Variants in GFRA2 observed in about 807,000 individuals in gnomAD.
The protein encoded by GFRA2 is GDNF family receptor alpha 2, also known as GDNF family receptor alpha-2.
In GFRA2, 17 loss-of-function variants were observed where a neutral mutation model predicts 48.3. The observed-to-expected ratio is 0.35, with a 90% CI of 0.24 to 0.53. The LOEUF is 0.53. Among genes scored for constraint, GFRA2 ranks in the 20% least tolerant of loss-of-function variants. The pLI, the probability that GFRA2 is intolerant of heterozygous loss-of-function variation, is 0.93. For missense variants in GFRA2, 660 were observed against 637.3 expected (o/e 1.04, Z -0.38); for synonymous variants, 305 against 257.2 (o/e 1.19, Z -1.78).
At chr8:21,698,168 C>A (rs1366462821) in intron 7 of GFRA2, among the ~76,000 whole-genome samples, 3 of 152,182 alleles carry the variant, frequency 2.0e-5, no homozygotes, top group Non-Finnish European at 4.4e-5. Flanking sequence ...CAGGCCTAGG[C>A]TGCAAGGATG....
At chr8:21,779,803 T>C (rs1240967888) in intron 2 of GFRA2, 1 of 152,180 alleles carries the variant, frequency 6.6e-6, no homozygotes, top group African/African-American at 2.4e-5. Flanking sequence ...ATTCGAGCCA[T>C]CTCTGACTGG....
intron 4 of GFRA2, among the ~76,000 whole-genome samples, chr8:21,729,418 A>G (rs1433964176): frequency 2.6e-5 from 4 of 152,092 alleles, no homozygotes; most frequent in Non-Finnish European, 4.4e-5. Context: ...CTCCAGGCCC[A>G]CAGGGAGTGG....
intron 1 of GFRA2, among the ~76,000 whole-genome samples, chr8:21,785,358 C>G (rs1204395334): frequency 6.6e-6 from 1 of 152,176 alleles, no homozygotes; most frequent in Admixed American, 6.5e-5. Context: ...ATCCATTCAC[C>G]AAACCATCCT....
At chr8:21,714,582 A>C (rs1803242716) in intron 4 of GFRA2, among the ~76,000 whole-genome samples, 2 of 152,116 alleles carry the variant, frequency 1.3e-5, no homozygotes, top group South Asian at 4.1e-4. Context: ...ACTTCCATGG[A>C]AACCAGGTTT....
intron 4 of GFRA2, among the ~76,000 whole-genome samples, chr8:21,747,079 C>A (rs964568212): frequency 2.6e-5 from 4 of 152,170 alleles, no homozygotes; most frequent in African/African-American, 9.7e-5. Context: ...TTGAGCGCAC[C>A]CAGCCCACTC....
intron 3 of GFRA2, among the ~76,000 whole-genome samples, chr8:21,753,010 C>T (rs555298941): frequency 6.6e-6 from 1 of 152,256 alleles, no homozygotes; most frequent in Non-Finnish European, 1.5e-5. Context: ...CCCCATACCC[C>T]ACCCCATGAC....
At chr8:21,768,043 C>T (rs1806264729) in intron 3 of GFRA2, among the ~76,000 whole-genome samples, 3 of 152,198 alleles carry the variant, frequency 2.0e-5, no homozygotes, top group Non-Finnish European at 2.9e-5. Context: ...AGGGAAGCTG[C>T]CTTCCTCCTG....
In GFRA2 at chr8:21,691,369, T is replaced by A. The variant is rs1401469582; in HGVS notation, c.*1909A>T. On this transcript the variant is annotated 3_prime_UTR_variant, in exon 9 of 9. Transcript: ENST00000524240. Reference sequence around the variant, plus strand: ...CTCCTGGTCCTCTCTGGGGAGAATCTCTCTTGGAGACTATGGCAGGCCTAG... The same window carrying A: ...CTCCTGGTCCTCTCTGGGGAGAATCACTCTTGGAGACTATGGCAGGCCTAG... 4 of 152,174 alleles carry A rather than the reference T, an allele frequency of 2.6e-5. No homozygotes were observed. The highest frequency in any genetic ancestry group is 5.9e-5 in the Non-Finnish European group (4 of 68,066). The allele number at this position is 152,174 out of a possible 1,614,324, so 9.4% of individuals were successfully genotyped here. A position where few individuals can be genotyped will look rare whatever the true frequency, so the allele number is the denominator to read the frequency against.
intron 4 of GFRA2, among the ~76,000 whole-genome samples, chr8:21,716,869 A>C (rs1803363485): frequency 6.6e-6 from 1 of 152,188 alleles, no homozygotes; most frequent in African/African-American, 2.4e-5. Flanking sequence ...GCAAATAACA[A>C]CACCTCACGC....
chr8:21,775,106 G>A (rs1258202383), intron 2 of GFRA2, 51 bp from the exon 3 acceptor site: 3 of 915,998 alleles, frequency 3.3e-6, no homozygotes, highest in East Asian at 4.9e-5. Flanking sequence ...CCAGAGCGCT[G>A]CCGGCACTTA....
chr8:21,764,399 T>C (rs1806056372), intron 3 of GFRA2, among the ~76,000 whole-genome samples: 1 of 152,226 alleles, frequency 6.6e-6, no homozygotes, highest in Admixed American at 6.5e-5. Context: ...AAGGCCCCAC[T>C]TCCTAAAACC....
At chr8:21,697,074 G>T (rs1247238217) in intron 7 of GFRA2, among the ~76,000 whole-genome samples, 15 of 2,736 alleles carry the variant, frequency 5.5e-3, no homozygotes, top group Non-Finnish European at 9.4e-3. Context: ...GACCGAGGAG[G>T]GTAGATGGGA....
In GFRA2 at chr8:21,702,839, C is replaced by T. The variant is rs564954632; in HGVS notation, c.1184G>A (p.Gly395Glu). The change falls in exon 7 of 9, where the codon GGG becomes GAG. Residue 395 changes from glycine (G) to glutamate (E), a missense_variant. Coordinates refer to ENST00000524240, the MANE Select transcript of GFRA2 (RefSeq NM_001495.5). ...CGTGCAGGTGGTGATGACACTGGTC[C>T]CCAAGCTGGTACTGTCACTGAGGTC... is the stretch of plus-strand genomic sequence containing the variant. ...PDDLSDSTSLGTSVITTCTSV... is the reference protein window; with the variant it reads ...PDDLSDSTSLETSVITTCTSV... The T allele has an allele frequency of 3.0e-5, 49 of 1,609,872 alleles. No homozygotes were observed. In the South Asian group the frequency reaches 5.3e-4, roughly 17 times the overall value.
intron 3 of GFRA2, among the ~76,000 whole-genome samples, chr8:21,762,493 A>G (rs1473610632): frequency 6.6e-6 from 1 of 152,126 alleles, no homozygotes; most frequent in East Asian, 1.9e-4. Context: ...CAGCCCTACC[A>G]TGACACCAGG....
intron 4 of GFRA2, among the ~76,000 whole-genome samples, chr8:21,728,195 G>A (rs1803979375): frequency 1.3e-5 from 2 of 150,982 alleles, no homozygotes; most frequent in Admixed American, 1.3e-4. Flanking sequence ...ATTCCCCAGG[G>A]AGCCCAGGAC....
chr8:21,766,259 C>T (rs906554550), intron 3 of GFRA2, among the ~76,000 whole-genome samples: 11 of 152,156 alleles, frequency 7.2e-5, no homozygotes, highest in Middle Eastern at 6.8e-3. Context: ...CACCTCTGTC[C>T]CATCATCCTA....
intron 3 of GFRA2, among the ~76,000 whole-genome samples, chr8:21,766,897 CCA>C (rs958721178): frequency 9.6e-5 from 13 of 135,302 alleles, no homozygotes; most frequent in Admixed American, 2.2e-4. Flanking sequence ...CACCCCACAT[CCA>C]CACACACGCT....
intron 1 of GFRA2, among the ~76,000 whole-genome samples, chr8:21,787,272 CA>C (rs1563267255): frequency 5.5e-5 from 4 of 72,330 alleles, no homozygotes; most frequent in East Asian, 3.9e-4. Flanking sequence ...GCGGGGGGGG[CA>C]GTGGGGGGGG....
chr8:21,699,605 A>C (rs999360083), intron 7 of GFRA2, among the ~76,000 whole-genome samples: 8 of 152,234 alleles, frequency 5.3e-5, no homozygotes, highest in Middle Eastern at 3.4e-3. Flanking sequence ...TGCAGCCCTC[A>C]CTGCACTGCC....
Sources: allele counts gnomAD v4.1 joint callset (sites outside exome capture counted in the v4.1 genomes callset), GRCh38; gene constraint gnomAD v4.1.1; transcripts MANE v1.5; gene names NCBI Gene and HGNC (gene_info 2026-07-23, HGNC 2026-07-21).